The following HOMER2 variants were observed in gnomAD, a reference collection of about 807,000 sequenced individuals.
HOMER2 encodes homer protein homolog 2.
A neutral mutation model predicts 47.0 loss-of-function variants in HOMER2; 27 were observed. The ratio of observed to expected loss-of-function variants is 0.57; its 90% CI spans 0.42 to 0.79. The LOEUF is 0.79. Among genes scored for constraint, HOMER2 ranks in the 30% least tolerant of loss-of-function variants. HOMER2 has a pLI of 0.00. For synonymous variants in HOMER2, 161 were observed against 163.8 expected, an observed-to-expected ratio of 0.98 and a Z score of 0.13; for missense variants, 443 against 435.0, an observed-to-expected ratio of 1.02 and a Z score of -0.16.
intron 1 of HOMER2, among the ~76,000 whole-genome samples, chr15:82,939,618 C>T (rs1221153920): frequency 6.6e-6 from 1 of 152,002 alleles, no homozygotes; most frequent in Non-Finnish European, 1.5e-5. Context: ...TTCAGTGAGC[C>T]GAGACTGCAC....
At chr15:82,962,093 G>A (rs1053773636) in intron 1 of HOMER2, among the ~76,000 whole-genome samples, 1 of 151,412 alleles carries the variant, frequency 6.6e-6, no homozygotes, top group Non-Finnish European at 1.5e-5. Flanking sequence ...TGTCCAGGCC[G>A]GGTGCGGTGA....
intron 1 of HOMER2, among the ~76,000 whole-genome samples, chr15:82,950,798 A>G (rs1648070654): frequency 6.6e-6 from 1 of 152,140 alleles, no homozygotes; most frequent in Non-Finnish European, 1.5e-5. Context: ...TCCACAAACA[A>G]AAATTATTTT....
chr15:82,839,445 AAG>A, exon 2 of HOMER2: 1 of 152,368 alleles, frequency 6.6e-6, no homozygotes. Context: ...TAGGGAGATC[AAG>A]AACTTCCAAA....
intron 1 of HOMER2, among the ~76,000 whole-genome samples, chr15:82,902,848 A>G (rs1364112897): frequency 6.6e-6 from 1 of 152,048 alleles, no homozygotes; most frequent in Non-Finnish European, 1.5e-5. Flanking sequence ...ATCTACTTAC[A>G]TACTTTGTTC....
intron 1 of HOMER2, among the ~76,000 whole-genome samples, chr15:82,903,399 G>A (rs962508247): frequency 2.0e-5 from 3 of 151,704 alleles, no homozygotes; most frequent in African/African-American, 4.8e-5. Flanking sequence ...GATCACCTGA[G>A]GTCGGGAGTT....
intron 1 of HOMER2, among the ~76,000 whole-genome samples, chr15:82,938,657 T>C (rs968426237): frequency 1.3e-5 from 2 of 152,210 alleles, no homozygotes; most frequent in Non-Finnish European, 2.9e-5. Flanking sequence ...ACCTTCATCA[T>C]CAGCTAGACT....
At chr15:82,941,407 C>A (rs182228114) in intron 1 of HOMER2, among the ~76,000 whole-genome samples, 43 of 138,244 alleles carry the variant, frequency 3.1e-4, no homozygotes, top group African/African-American at 1.1e-3. Flanking sequence ...CACACCACTG[C>A]ACTCTAGCCT....
At chr15:82,907,437 AAGAAAGAAAG>A (rs1281707458) in intron 1 of HOMER2, among the ~76,000 whole-genome samples, 1 of 151,504 alleles carries the variant, frequency 6.6e-6, no homozygotes, top group Non-Finnish European at 1.5e-5. Flanking sequence ...GAAGGAAAGA[AAGAAAGAAAG>A]AGAAAGAAAG....
chr15:82,931,288 G>A (rs1377243088), intron 1 of HOMER2, among the ~76,000 whole-genome samples: 1 of 152,100 alleles, frequency 6.6e-6, no homozygotes, highest in African/African-American at 2.4e-5. Context: ...GGCCCCCTGG[G>A]GCCACAGTGT....
At chr15:82,845,247 C>CACAT, downstream of HOMER2, 1 of 151,824 alleles carries the variant, frequency 6.6e-6, no homozygotes, top group South Asian at 2.1e-4. Context: ...CACACACACA[C>CACAT]ACACACACAC....
exon 2 of HOMER2, chr15:82,838,309 G>A (rs1734120032): frequency 1.3e-5 from 2 of 152,344 alleles, no homozygotes; most frequent in African/African-American, 4.8e-5. Context: ...GCAAGAGAAA[G>A]GGCACAGAGA....
intron 3 of HOMER2, among the ~76,000 whole-genome samples, chr15:82,872,320 G>T (rs945592568): frequency 2.0e-5 from 3 of 151,932 alleles, no homozygotes; most frequent in Admixed American, 6.6e-5. Flanking sequence ...TCAGAAAACG[G>T]CCTCACCACC....
At chr15:82,869,603 G>A (rs148144793) in intron 3 of HOMER2, among the ~76,000 whole-genome samples, 76 of 151,768 alleles carry the variant, frequency 5.0e-4, no homozygotes, top group Non-Finnish European at 9.0e-4. Context: ...GATTACAGAC[G>A]CCTGCCACCA....
chr15:82,925,814 C>T (rs1293133643), intron 1 of HOMER2: 1 of 152,084 alleles, frequency 6.6e-6, no homozygotes. Flanking sequence ...CTAGATAATT[C>T]TCTTCCCCCT....
intron 1 of HOMER2, 21 bp from the exon 2 acceptor site, chr15:82,892,862 T>G: frequency 6.7e-7 from 1 of 1,500,306 alleles, no homozygotes; most frequent in Non-Finnish European, 9.0e-7. Flanking sequence ...AGAGTGGGCG[T>G]GTGAGTTGAG....
intron 1 of HOMER2, among the ~76,000 whole-genome samples, chr15:82,922,527 C>T (rs529832873): frequency 1.6e-4 from 24 of 152,272 alleles, no homozygotes; most frequent in African/African-American, 2.9e-4. Context: ...CATAGCCCAG[C>T]GGCACTAGGT....
chr15:82,854,234 G>A (rs1443716824), intron 6 of HOMER2, among the ~76,000 whole-genome samples: 2 of 152,044 alleles, frequency 1.3e-5, no homozygotes, highest in African/African-American at 4.8e-5. Context: ...GTGAAACCCT[G>A]TCTCTACTAA....
chr15:82,850,072 C>T (rs561971030), intron 8 of HOMER2, among the ~76,000 whole-genome samples, 169 bp from the exon 9 acceptor site: 4 of 152,236 alleles, frequency 2.6e-5, no homozygotes, highest in Non-Finnish European at 5.9e-5. Flanking sequence ...ACCAAGACAT[C>T]AGAAGGGAAG....
At chr15:82,898,300 G>T (rs925416269) in intron 1 of HOMER2, 1 of 152,194 alleles carries the variant, frequency 6.6e-6, no homozygotes, top group Non-Finnish European at 1.5e-5. Context: ...AATATAAATA[G>T]AAAGATTTAA....
Sources: gnomAD v4.1 joint callset for allele counts (sites outside exome capture counted in the v4.1 genomes callset) on GRCh38, gnomAD v4.1.1 for gene constraint, MANE v1.5 for transcripts, NCBI Gene and HGNC (gene_info 2026-07-23, HGNC 2026-07-21) for gene names.